The following EHD3 variants were observed in gnomAD, a reference collection of about 807,000 sequenced individuals.
EHD3 encodes EH domain containing 3, also known as EH domain-containing protein 3.
In EHD3, 17 loss-of-function variants were observed where a neutral mutation model predicts 43.0. That is an observed-to-expected ratio of 0.40 (90% CI 0.27 to 0.59). EHD3 has a LOEUF of 0.59. Among genes scored for constraint, EHD3 ranks in the 20% least tolerant of loss-of-function variants. The pLI is 0.49. For synonymous variants in EHD3, 313 were observed against 289.5 expected (o/e 1.08, Z -0.82); for missense variants, 594 against 705.6 (o/e 0.84, Z 1.79).
intron 2 of EHD3, among the ~76,000 whole-genome samples, 168 bp from the exon 3 acceptor site, chr2:31,249,203 C>T (rs1018828775): frequency 5.3e-5 from 8 of 152,264 alleles, no homozygotes; most frequent in African/African-American, 1.7e-4. Flanking sequence ...GGGTTCAGCC[C>T]CGGGTCAGCT....
chr2:31,262,483 G>A (rs1247523276), intron 5 of EHD3, among the ~76,000 whole-genome samples: 6 of 152,168 alleles, frequency 3.9e-5, no homozygotes, highest in African/African-American at 1.4e-4. Flanking sequence ...GATAATCTTT[G>A]CAAAGCCCTT....
intron 2 of EHD3, among the ~76,000 whole-genome samples, chr2:31,247,302 G>A (rs1322882760): frequency 6.6e-6 from 1 of 151,064 alleles, no homozygotes; most frequent in African/African-American, 2.4e-5. Flanking sequence ...TTGGTTTTTT[G>A]TTTTGTTTTG....
At position 31,249,262 on chromosome 2, in the gene EHD3, A is replaced by G. The variant is rs930310542; in HGVS notation, c.405-109A>G. ...AAGTCCATGGTGAACTAAACCCTTC[A>G]GGATGCACCTGCAGCTCACCTGAGA... On this transcript the variant is annotated intron_variant, in intron 2 of 5. Coordinates refer to ENST00000322054, the MANE Select transcript of EHD3 (RefSeq NM_014600.3). The G allele has an allele frequency of 2.4e-5, 23 of 963,030 alleles. No homozygotes were observed. In the East Asian group the frequency reaches 5.2e-4, roughly 22 times the overall value. 59.7% of individuals were successfully genotyped at this position (963,030 alleles called of 1,614,324 possible). A position where few individuals can be genotyped will look rare whatever the true frequency, so the allele number is the denominator to read the frequency against.
rs1458574066 is a variant in EHD3, at chr2:31,260,232, C to G, written c.503-278C>G. 6.6e-6 allele frequency among the ~76,000 whole-genome samples: 1 copy of G among 152,156 alleles called. No individual in the cohort carries two copies. Among genetic ancestry groups the G allele is most frequent in the Non-Finnish European group, 1.5e-5 (1 of 68,032 alleles). On this transcript the variant is annotated intron_variant, in intron 3 of 5. Transcript: ENST00000322054. The surrounding 1 kb of genome is among the most constrained non-coding windows in gnomAD (Gnocchi z 4.6). Reference sequence around the variant, plus strand: ...AAAAGTAACTAGCATTTACTGAGCACCTACTAAGTGCCGGATTCTAAGAGT... The same window carrying G: ...AAAAGTAACTAGCATTTACTGAGCAGCTACTAAGTGCCGGATTCTAAGAGT...
chr2:31,240,125 C>T (rs1043522340), intron 1 of EHD3, among the ~76,000 whole-genome samples: 1 of 152,136 alleles, frequency 6.6e-6, no homozygotes, highest in Non-Finnish European at 1.5e-5. Context: ...TCAACTTGGC[C>T]GTGGAGAGTC....
intron 3 of EHD3, 135 bp downstream of exon 3, chr2:31,249,603 G>A (rs903088495): frequency 5.1e-6 from 4 of 782,416 alleles, no homozygotes; most frequent in African/African-American, 1.7e-5. Flanking sequence ...TGCTGTGTGG[G>A]ATCATTTTAC....
In EHD3 at chr2:31,243,448, C is replaced by CTTTTTTTTTTTTTTTTTTT. The variant is rs1310045883; in HGVS notation, c.228-823_228-822insTTTTTTTTTTTTTTTTTTT. The stretch of plus-strand genomic sequence containing the variant: ...TCTTTCTTTCTTTCTTTCTTTCTTT[C>CTTTTTTTTTTTTTTTTTTT]TTTCTTTCTTTCTTTTTTTTTTTTT... On this transcript the variant is annotated intron_variant, in intron 1 of 5. Coordinates refer to ENST00000322054, the MANE Select transcript of EHD3 (RefSeq NM_014600.3). Among the ~76,000 whole-genome samples the CTTTTTTTTTTTTTTTTTTT allele has an allele frequency of 1.0e-4, 7 of 67,008 alleles. 3 individuals are homozygous for CTTTTTTTTTTTTTTTTTTT. Among genetic ancestry groups the CTTTTTTTTTTTTTTTTTTT allele is most frequent in the Non-Finnish European group, 1.3e-4 (5 of 37,422 alleles). The allele number at this position is 67,008 out of a possible 152,430, so 44.0% of individuals were successfully genotyped here.
At position 31,266,789 on chromosome 2, in the gene EHD3, C is replaced by A. The variant is rs1297166431; in HGVS notation, c.*85C>A. The A allele has an allele frequency of 4.7e-6, 6 of 1,278,018 alleles. No individual in the cohort carries two copies. Among genetic ancestry groups the A allele is most frequent in the Non-Finnish European group, 6.4e-6 (6 of 938,362 alleles). The allele number at this position is 1,278,018 out of a possible 1,614,324, so 79.2% of individuals were successfully genotyped here. A position where few individuals can be genotyped will look rare whatever the true frequency, so the allele number is the denominator to read the frequency against. The stretch of plus-strand genomic sequence containing the variant: ...ACACACACACACACACACACACACA[C>A]ACACAAACATGCACACACACATATG... On this transcript the variant is annotated 3_prime_UTR_variant, in exon 6 of 6. Coordinates refer to ENST00000322054, the MANE Select transcript of EHD3 (RefSeq NM_014600.3). The surrounding 1 kb of genome is among the most constrained non-coding windows in gnomAD (Gnocchi z 5.1).
chr2:31,248,511 C>T (rs1236220748), intron 2 of EHD3, among the ~76,000 whole-genome samples: 2 of 152,132 alleles, frequency 1.3e-5, no homozygotes, highest in African/African-American at 2.4e-5. Flanking sequence ...AGACAGGGAT[C>T]GAGGTTTGGA....
intron 3 of EHD3, among the ~76,000 whole-genome samples, chr2:31,256,532 C>T (rs1052629136): frequency 7.9e-5 from 12 of 152,198 alleles, no homozygotes; most frequent in African/African-American, 2.9e-4. Context: ...AGGTGCTGCC[C>T]CTGCCCTGTC....
intron 1 of EHD3, among the ~76,000 whole-genome samples, chr2:31,243,240 T>C (rs951885469): frequency 6.6e-6 from 1 of 152,094 alleles, no homozygotes; most frequent in Non-Finnish European, 1.5e-5. Flanking sequence ...AACACGCCAC[T>C]ACACTCCAGC....
chr2:31,261,800 G>GC (rs759626256), intron 5 of EHD3, 87 bp downstream of exon 5: 9 of 1,504,654 alleles, frequency 6.0e-6, no homozygotes, highest in African/African-American at 2.8e-5. Flanking sequence ...CACTCTTGGA[G>GC]CCCCCCAGGG....
In EHD3 at chr2:31,269,119, G is replaced by T. The variant is rs1684006875; in HGVS notation, c.*2415G>T. The T allele has an allele frequency of 6.6e-6, 1 of 152,244 alleles. No homozygotes were observed. Among genetic ancestry groups the T allele is most frequent in the African/African-American group, 2.4e-5 (1 of 41,448 alleles). 9.4% of individuals were successfully genotyped at this position (152,244 alleles called of 1,614,324 possible). Reference sequence around the variant, plus strand: ...TTCTGACCCCTTCCAGGCTTCAGGGGCCTGGGAGATCTCATGCCTCAGCCC... The same window carrying T: ...TTCTGACCCCTTCCAGGCTTCAGGGTCCTGGGAGATCTCATGCCTCAGCCC... On this transcript the variant is annotated 3_prime_UTR_variant, in exon 6 of 6. Coordinates refer to ENST00000322054, the MANE Select transcript of EHD3 (RefSeq NM_014600.3).
Position 31,266,200 on chromosome 2 carries a change from T to G in EHD3, c.1104T>G (p.Phe368Leu). ...RMQDQLQAQD[F>L]SKFQPLKSKL... ...AGGACCAGCTGCAGGCCCAGGACTT[T>G]AGCAAGTTCCAGCCGCTGAAGAGCA... The change falls in exon 6 of 6, where the codon TTT becomes TTG. Residue 368 changes from phenylalanine to leucine, a missense_variant. By Grantham distance (22) the Phe-to-Leu change is conservative. Transcript: ENST00000322054. This position sits in a 1 kb window ranked among gnomAD's most constrained non-coding sequence, Gnocchi z 5.1. 6.2e-7 allele frequency: 1 copy of G among 1,612,342 alleles called. No individual in the cohort carries two copies. The highest frequency in any genetic ancestry group is 8.5e-7 in the Non-Finnish European group (1 of 1,178,546).
chr2:31,239,114 G>A lies in EHD3; in HGVS notation c.227+4266G>A, dbSNP rs186012491. ...CAAAGGTGCCTTCGCATTTGCTGTG[G>A]CCGCACCAGCTCTCATCACCACCCT... On this transcript the variant is annotated intron_variant, in intron 1 of 5. Transcript: ENST00000322054. Among the ~76,000 whole-genome samples the A allele has an allele frequency of 2.0e-3, 308 of 152,308 alleles. 7 individuals are homozygous for A. The highest frequency in any genetic ancestry group is 0.018 in the Admixed American group (279 of 15,296).
intron 3 of EHD3, among the ~76,000 whole-genome samples, chr2:31,252,853 C>G (rs1683664482): frequency 6.6e-6 from 1 of 152,164 alleles, no homozygotes; most frequent in African/African-American, 2.4e-5. Context: ...TTGTTTTCTG[C>G]TTTCCTGAGT....
At chr2:31,253,557 G>A (rs566831155) in intron 3 of EHD3, among the ~76,000 whole-genome samples, 84 of 152,330 alleles carry the variant, frequency 5.5e-4, no homozygotes, top group Admixed American at 1.1e-3. Flanking sequence ...TTATCAAGTC[G>A]GCACAGAGGC....
intron 1 of EHD3, among the ~76,000 whole-genome samples, chr2:31,240,265 C>G (rs918461703): frequency 6.6e-6 from 1 of 152,182 alleles, no homozygotes; most frequent in East Asian, 1.9e-4. Flanking sequence ...TGTGCATCCC[C>G]GTCTCTGCTG....
At chr2:31,239,675 C>T (rs1330793586) in intron 1 of EHD3, among the ~76,000 whole-genome samples, 1 of 152,192 alleles carries the variant, frequency 6.6e-6, no homozygotes, top group Non-Finnish European at 1.5e-5. Context: ...AGGCCACCTC[C>T]CCTTTCTGAC....
Sources: allele counts gnomAD v4.1 joint callset (sites outside exome capture counted in the v4.1 genomes callset), GRCh38; gene constraint gnomAD v4.1.1; non-coding constraint Gnocchi (gnomAD v3.1); transcripts MANE v1.5; gene names NCBI Gene and HGNC (gene_info 2026-07-23, HGNC 2026-07-21).